Variants in CCDC171 observed in about 807,000 individuals in gnomAD.
CCDC171 encodes the protein coiled-coil domain containing 171.
In CCDC171, 177 loss-of-function variants were observed where a neutral mutation model predicts 168.2. The ratio of observed to expected loss-of-function variants is 1.05; its 90% CI spans 0.93 to 1.19. The LOEUF is 1.19. CCDC171 is among the 50% of genes most tolerant of loss of function. CCDC171 has a pLI of 0.00. For missense variants in CCDC171, 1,991 were observed against 1,539.0 expected (o/e 1.29, Z -4.91); for synonymous variants, 687 against 540.8 (o/e 1.27, Z -3.75).
intron 20 of CCDC171, among the ~76,000 whole-genome samples, chr9:15,779,768 T>G (rs372726862): frequency 6.6e-6 from 1 of 152,236 alleles, no homozygotes; most frequent in Non-Finnish European, 1.5e-5. Context: ...CAATGACTTA[T>G]ATGTATTATT....
chr9:16,026,105 T>C (rs182770098), intron 6 of CCDC171, among the ~76,000 whole-genome samples: 3 of 152,206 alleles, frequency 2.0e-5, no homozygotes, highest in Non-Finnish European at 2.9e-5. Flanking sequence ...TCACGCTCCA[T>C]GTTTTGCTGG....
intron 25 of CCDC171, among the ~76,000 whole-genome samples, chr9:15,942,789 G>T (rs987536939): frequency 6.6e-6 from 1 of 151,800 alleles, no homozygotes; most frequent in Non-Finnish European, 1.5e-5. Flanking sequence ...CTGAATTATT[G>T]TGCTTTCCCA....
rs1183651162 is a variant in CCDC171 at position 15,623,401 on chromosome 9, A to G, written c.810A>G (p.Arg270=). ...GCACTCAACGAGAGGAACGCCTTAG[A>G]AAAGAATTTGAGGTACATTTTCTCA... is the stretch of plus-strand genomic sequence containing the variant. ...EFSTQREERL[R]KEFEATTLRV... The change falls in exon 7 of 26, where the codon AGA becomes AGG. Residue 270 remains arginine (R), a synonymous_variant. Coordinates refer to ENST00000380701, the MANE Select transcript of CCDC171 (RefSeq NM_173550.4). 2 of 1,604,586 alleles carry G rather than the reference A, an allele frequency of 1.2e-6. No homozygotes were observed. The highest frequency in any genetic ancestry group is 1.3e-5 in the African/African-American group (1 of 74,704).
At chr9:15,695,977 T>C (rs1488054464) in intron 11 of CCDC171, among the ~76,000 whole-genome samples, 1 of 152,210 alleles carries the variant, frequency 6.6e-6, no homozygotes, top group African/African-American at 2.4e-5. Context: ...CTATTTCTAC[T>C]TTCTTAGTGT....
Position 15,678,910 on chromosome 9 carries a change from AG to A in CCDC171, c.1215+15del. 5 of 1,563,498 alleles carry A rather than the reference AG, an allele frequency of 3.2e-6. No homozygotes were observed. Among genetic ancestry groups the A allele is most frequent in the Non-Finnish European group, 4.3e-6 (5 of 1,158,490 alleles). ...GAACTAGTAATGGTAAGGATAAAAA[AG>A]AAAACCCTATGGAAATCACTTTATT... is the stretch of plus-strand genomic sequence containing the variant. On this transcript the variant is annotated intron_variant, in intron 10 of 25. Coordinates refer to ENST00000380701, the MANE Select transcript of CCDC171 (RefSeq NM_173550.4).
intron 3 of CCDC171, among the ~76,000 whole-genome samples, chr9:16,003,580 G>A (rs1276271911): frequency 6.6e-6 from 1 of 152,116 alleles, no homozygotes; most frequent in African/African-American, 2.4e-5. Context: ...GGATGGAGGG[G>A]CACATTTTCT....
rs565898766 is a variant in CCDC171, at chr9:15,991,475, C to T, written n.369-29114C>T. Among the ~76,000 whole-genome samples, 59 of 149,474 alleles carry T rather than the reference C, an allele frequency of 3.9e-4. No homozygotes were observed. The East Asian group carries it at 0.011, about 27-fold the overall frequency. ...AGCACTAAATGCCCACAAGAGAAAA[C>T]AGGAAAGATCTAAAATTGACACCCT... On this transcript the variant is annotated intron_variant and non_coding_transcript_variant, in intron 3 of 9. Coordinates refer to the CCDC171 transcript ENST00000486641.
intron 23 of CCDC171, among the ~76,000 whole-genome samples, chr9:15,868,792 C>A (rs572401784): frequency 2.0e-5 from 3 of 152,054 alleles, no homozygotes; most frequent in African/African-American, 7.2e-5. Flanking sequence ...TTAGAGATGG[C>A]AATAACTATT....
intron 6 of CCDC171, among the ~76,000 whole-genome samples, chr9:16,034,891 G>A (rs1364609727): frequency 6.6e-6 from 1 of 152,104 alleles, no homozygotes; most frequent in African/African-American, 2.4e-5. Context: ...GGAGAGTGGG[G>A]TCTATCCTCC....
chr9:16,084,885 T>A, the CCDC171 span, among the ~76,000 whole-genome samples: 3 of 152,168 alleles, frequency 2.0e-5, no homozygotes, highest in Non-Finnish European at 4.4e-5. Context: ...CAGTCCAGGG[T>A]TCCAATCCAA....
At chr9:16,048,076 A>T (rs886926014) in intron 1 of CCDC171, among the ~76,000 whole-genome samples, 17 of 152,206 alleles carry the variant, frequency 1.1e-4, no homozygotes, top group Non-Finnish European at 2.4e-4. Flanking sequence ...GCACAGGCAG[A>T]GGAAGAAGGG....
In CCDC171 at chr9:15,921,241, A is replaced by T. The variant is rs191842541; in HGVS notation, c.3753+819A>T. 1.9e-4 allele frequency among the ~76,000 whole-genome samples: 29 copies of T among 151,840 alleles called. No individual in the cohort carries two copies. In the East Asian group the frequency reaches 5.4e-3, roughly 28 times the overall value. ...AGAAAAAGAGTTAGCATTAAAACAA[A>T]TAGATGCATGGCTGTGGTCTGATTC... On this transcript the variant is annotated intron_variant, in intron 25 of 25. Transcript: ENST00000380701.
chr9:15,678,622 A>G, intron 9 of CCDC171, 136 bp from the exon 10 acceptor site: 1 of 593,490 alleles, frequency 1.7e-6, no homozygotes. Flanking sequence ...TTTTGTTTGA[A>G]AAAGGAGTTA....
chr9:16,044,718 C>T (rs1388745741), intron 1 of CCDC171, among the ~76,000 whole-genome samples: 2 of 152,110 alleles, frequency 1.3e-5, no homozygotes, highest in East Asian at 3.9e-4. Flanking sequence ...GAGGAGGACG[C>T]TCTGGGCCTC....
intron 6 of CCDC171, among the ~76,000 whole-genome samples, chr9:15,601,157 G>T (rs956924819): frequency 2.0e-5 from 3 of 152,142 alleles, no homozygotes; most frequent in Non-Finnish European, 4.4e-5. Flanking sequence ...CCCACTCTCT[G>T]ACAATCCTCA....
chr9:15,623,830 G>A (rs971216437), intron 7 of CCDC171, among the ~76,000 whole-genome samples: 2 of 152,168 alleles, frequency 1.3e-5, no homozygotes, highest in African/African-American at 4.8e-5. Flanking sequence ...GTATGGTTTT[G>A]TGGAATGCTT....
chr9:15,875,785 T>C (rs576834504), intron 24 of CCDC171: 115 of 152,150 alleles, frequency 7.6e-4, no homozygotes, highest in African/African-American at 2.7e-3. Context: ...AAAATACTCA[T>C]TGCTTCTTTC....
intron 18 of CCDC171, among the ~76,000 whole-genome samples, chr9:15,775,657 A>C (rs1325840698): frequency 1.3e-5 from 2 of 152,198 alleles, no homozygotes; most frequent in Non-Finnish European, 2.9e-5. Context: ...TGTGCTTTTA[A>C]AGGCTCTTTA....
chr9:15,599,914 A>G (rs575471937), intron 6 of CCDC171, among the ~76,000 whole-genome samples: 1 of 152,192 alleles, frequency 6.6e-6, no homozygotes, highest in Non-Finnish European at 1.5e-5. Context: ...TCCATCACTG[A>G]TACCCTTTCT....
Sources: gnomAD v4.1 joint callset for allele counts (sites outside exome capture counted in the v4.1 genomes callset) on GRCh38, gnomAD v4.1.1 for gene constraint, MANE v1.5 for transcripts, NCBI Gene and HGNC (gene_info 2026-07-23, HGNC 2026-07-21) for gene names.